Variants in PHLDB1 observed in about 807,000 individuals in gnomAD.
The protein encoded by PHLDB1 is pleckstrin homology-like domain family B member 1.
In PHLDB1, 65 loss-of-function variants were observed where a neutral mutation model predicts 139.3. That is an observed-to-expected ratio of 0.47 (90% CI 0.38 to 0.57). The LOEUF (loss-of-function observed/expected upper bound fraction) is 0.57. Ranked by LOEUF, PHLDB1 falls within the 20% of genes least tolerant of loss-of-function variation. The probability of loss-of-function intolerance (pLI) is 0.00; values close to 1 mark genes in which losing one functional copy is unlikely to be tolerated. For synonymous variants in PHLDB1, 679 were observed against 734.5 expected, an observed-to-expected ratio of 0.92 and a Z score of 1.22; for missense variants, 1,624 against 1,839.7, an observed-to-expected ratio of 0.88 and a Z score of 2.14.
intron 22 of PHLDB1, among the ~76,000 whole-genome samples, chr11:118,656,175 G>A (rs1555141781): frequency 6.6e-6 from 1 of 152,158 alleles, no homozygotes; most frequent in Non-Finnish European, 1.5e-5. Context: ...TTAATAGGGA[G>A]AAATTGATAA....
chr11:118,653,327 A>T lies in PHLDB1; in HGVS notation c.3875-2278A>T, dbSNP rs1229579869. ...CTGCCAACTCGATAGAAACCCCCTC[A>T]TTGCATGGAGTCCAGATTACGTATT... On this transcript the variant is annotated intron_variant, in intron 20 of 22. Transcript: ENST00000600882. The T allele has an allele frequency of 2.0e-4, 31 of 151,806 alleles. No individual in the cohort carries two copies. In the Admixed American group the frequency reaches 2.0e-3, roughly 10 times the overall value. The allele number at this position is 151,806 out of a possible 1,614,324, so 9.4% of individuals were successfully genotyped here. A position where few individuals can be genotyped will look rare whatever the true frequency, so the allele number is the denominator to read the frequency against.
intron 5 of PHLDB1, among the ~76,000 whole-genome samples, chr11:118,625,280 G>A (rs1025134240): frequency 2.6e-5 from 4 of 152,194 alleles, no homozygotes; most frequent in African/African-American, 9.7e-5. Flanking sequence ...TATGTGCCTC[G>A]AGGGATGGCA....
chr11:118,629,906 C>A, intron 6 of PHLDB1: 1 of 735,682 alleles, frequency 1.4e-6, no homozygotes, highest in Non-Finnish European at 2.0e-6. Context: ...GCCTCACCTG[C>A]CACTTTAAGT....
chr11:118,616,587 TG>T (rs1400470780), intron 4 of PHLDB1, among the ~76,000 whole-genome samples: 1 of 152,182 alleles, frequency 6.6e-6, no homozygotes, highest in Non-Finnish European at 1.5e-5. Context: ...AAGAGGAAGT[TG>T]TTTTGAGAAG....
intron 4 of PHLDB1, among the ~76,000 whole-genome samples, chr11:118,621,828 G>T (rs1269531252): frequency 4.6e-5 from 7 of 152,112 alleles, no homozygotes; most frequent in Non-Finnish European, 1.0e-4. Flanking sequence ...AAGAGTCCTG[G>T]TTAGAATGAG....
chr11:118,631,859 T>C, intron 7 of PHLDB1, 54 bp from the exon 8 acceptor site: 1 of 1,541,126 alleles, frequency 6.5e-7, no homozygotes, highest in Non-Finnish European at 8.7e-7. Flanking sequence ...ATTTTCTTAG[T>C]CTGATTCCAA....
Position 118,625,092 on chromosome 11 carries a change from A to G in PHLDB1, c.481+33A>G. On this transcript the variant is annotated intron_variant, in intron 5 of 22. Transcript: ENST00000600882. The stretch of plus-strand genomic sequence containing the variant: ...CCGACGGGGGCAGGGTGCTGGGTTG[A>G]TGGTGTTCCTGCAGCAGTCCTCCTC... 4.5e-6 allele frequency: 7 copies of G among 1,555,158 alleles called. No individual in the cohort carries two copies. The South Asian group carries it at 7.4e-5, about 16-fold the overall frequency.
Position 118,611,119 on chromosome 11 carries a change from G to C in PHLDB1, c.-21-2697G>C, listed in dbSNP as rs1555083615. On this transcript the variant is annotated intron_variant, in intron 1 of 22. Transcript: ENST00000600882. The surrounding 1 kb of genome is among the most constrained non-coding windows in gnomAD (Gnocchi z 4.7). The stretch of plus-strand genomic sequence containing the variant: ...CCTCGCGTAGCGCCACTCAGCCGCC[G>C]GGGCCAGAGCGGGAGTCAAGGTGAG... Among the ~76,000 whole-genome samples the C allele has an allele frequency of 6.6e-6, 1 of 152,228 alleles. No homozygotes were observed. Among genetic ancestry groups the C allele is most frequent in the African/African-American group, 2.4e-5 (1 of 41,464 alleles).
chr11:118,634,863 G>A (rs1202903792), intron 9 of PHLDB1: 2 of 339,750 alleles, frequency 5.9e-6, no homozygotes, highest in Admixed American at 3.5e-5. Flanking sequence ...CGGAGTTGAG[G>A]AGTGTGTGTT....
In PHLDB1 at chr11:118,610,416, G is replaced by C; in HGVS notation, c.-22+2717G>C. ...GGCCCTTTCTCGAGGGCGGATGTGC[G>C]CCTGGAGGGCGAAGGCGGCGGCCGA... On this transcript the variant is annotated intron_variant, in intron 1 of 22. Coordinates refer to ENST00000600882, the MANE Select transcript of PHLDB1 (RefSeq NM_001144758.3). The surrounding 1 kb of genome is among the most constrained non-coding windows in gnomAD (Gnocchi z 8.7). 2 of 984,298 alleles carry C rather than the reference G, an allele frequency of 2.0e-6. No individual in the cohort carries two copies. The highest frequency in any genetic ancestry group is 9.4e-5 in the South Asian group (2 of 21,274). The allele number at this position is 984,298 out of a possible 1,614,324, so 61.0% of individuals were successfully genotyped here.
At chr11:118,635,069 C>A (rs782004723) in intron 9 of PHLDB1, 29 of 508,238 alleles carry the variant, frequency 5.7e-5, no homozygotes, top group South Asian at 1.9e-4. Flanking sequence ...CCACCGCCCC[C>A]CCTCCCCCGG....
chr11:118,641,840 T>C (rs1946577375), intron 12 of PHLDB1: 2 of 1,235,906 alleles, frequency 1.6e-6, no homozygotes, highest in Admixed American at 4.9e-5. Flanking sequence ...GCTCTGTGTG[T>C]GTTTTGCTCC....
At chr11:118,634,936 T>C (rs1555113977) in intron 9 of PHLDB1, 1 of 454,682 alleles carries the variant, frequency 2.2e-6, no homozygotes, top group Admixed American at 2.4e-5. Flanking sequence ...AGGGCGGAGC[T>C]GGCCGCGGGA....
rs1555112509 is a variant in PHLDB1 at position 118,632,935 on chromosome 11, T to C, written c.2379+639T>C. The C allele has an allele frequency of 5.7e-6, 4 of 697,016 alleles. No individual in the cohort carries two copies. The highest frequency in any genetic ancestry group is 3.9e-5 in the African/African-American group (2 of 51,662). The allele number at this position is 697,016 out of a possible 1,614,324, so 43.2% of individuals were successfully genotyped here. On this transcript the variant is annotated intron_variant, in intron 9 of 22. Transcript: ENST00000600882. This position sits in a 1 kb window ranked among gnomAD's most constrained non-coding sequence, Gnocchi z 5.9. Reference sequence around the variant, plus strand: ...CAATAATTTAATTTTCCTTCTGGATTTTTTGAGTTTCTTCCTCCTGCCCTC... The same window carrying C: ...CAATAATTTAATTTTCCTTCTGGATCTTTTGAGTTTCTTCCTCCTGCCCTC...
rs781970267 is a variant in PHLDB1 at position 118,645,507 on chromosome 11, C to G, written c.3273C>G (p.Ile1091Met). 3 of 1,612,622 alleles carry G rather than the reference C, an allele frequency of 1.9e-6. No individual in the cohort carries two copies. The South Asian group carries it at 3.3e-5, about 18-fold the overall frequency. The change falls in exon 16 of 23, where the codon ATC becomes ATG. Residue 1091 changes from isoleucine to methionine, a missense_variant. Ile to Met is a conservative substitution (Grantham distance 10). Transcript: ENST00000600882. The surrounding 1 kb of genome is among the most constrained non-coding windows in gnomAD (Gnocchi z 5.1). ...SGFPPLMHHS[I>M]LHHLPAGRER... ...TCCCCCCTCTCATGCACCACTCTAT[C>G]CTACACCACCTGCCTGCGGGGCGGG...
chr11:118,615,281 A>T (rs1331934970), intron 3 of PHLDB1: 1 of 152,346 alleles, frequency 6.6e-6, no homozygotes, highest in Non-Finnish European at 1.5e-5. Context: ...TGCTCTTAGC[A>T]ACCAATGTGG....
At chr11:118,631,529 G>T (rs1477793140) in intron 7 of PHLDB1, 50 bp downstream of exon 7, 15 of 1,389,118 alleles carry the variant, frequency 1.1e-5, no homozygotes, top group Non-Finnish European at 1.2e-5. Flanking sequence ...GGACCTGCTG[G>T]GGGCAGAGGA....
In PHLDB1 at chr11:118,645,487, C is replaced by G. The variant is rs147636223; in HGVS notation, c.3253C>G (p.Pro1085Ala). The G allele has an allele frequency of 3.7e-6, 6 of 1,611,962 alleles. No individual in the cohort carries two copies. The highest frequency in any genetic ancestry group is 5.1e-6 in the Non-Finnish European group (6 of 1,179,080). Residue 1085 changes from proline to alanine, a missense_variant, in exon 16 of 23, where the codon CCT (proline) becomes GCT (alanine). Physicochemically the swap from Pro to Ala is conservative, Grantham distance 27 (BLOSUM62 -1). Coordinates refer to ENST00000600882, the MANE Select transcript of PHLDB1 (RefSeq NM_001144758.3). This position sits in a 1 kb window ranked among gnomAD's most constrained non-coding sequence, Gnocchi z 5.1. The stretch of plus-strand genomic sequence containing the variant: ...CCCAGCGGGCCCCTCGGGCTTCCCC[C>G]CTCTCATGCACCACTCTATCCTACA... ...PFPAGPSGFP[P>A]LMHHSILHHL...
chr11:118,655,436 A>G, intron 20 of PHLDB1, 169 bp from the exon 21 acceptor site: 2 of 569,558 alleles, frequency 3.5e-6, no homozygotes, highest in Non-Finnish European at 6.3e-6. Context: ...GAGGCTGAGC[A>G]TTATCCATAT....
Sources: gnomAD v4.1 joint callset for allele counts (sites outside exome capture counted in the v4.1 genomes callset) on GRCh38, gnomAD v4.1.1 for gene constraint, Gnocchi (gnomAD v3.1) non-coding constraint, MANE v1.5 for transcripts, NCBI Gene and HGNC (gene_info 2026-07-23, HGNC 2026-07-21) for gene names.